Variants in IL1RAPL1 observed in about 807,000 individuals in gnomAD.
IL1RAPL1 encodes interleukin 1 receptor accessory protein like 1, also known as interleukin-1 receptor accessory protein-like 1.
A neutral mutation model predicts 48.4 loss-of-function variants in IL1RAPL1; 3 were observed. The observed-to-expected ratio is 0.06, with a 90% CI of 0.03 to 0.16. IL1RAPL1 has a LOEUF of 0.16. IL1RAPL1 is among the 10% of genes least tolerant of loss of function. The probability of loss-of-function intolerance (pLI) is 1.00; values close to 1 mark genes in which losing one functional copy is unlikely to be tolerated. For synonymous variants in IL1RAPL1, 185 were observed against 187.7 expected, an observed-to-expected ratio of 0.99 and a Z score of 0.12; for missense variants, 349 against 530.6, an observed-to-expected ratio of 0.66 and a Z score of 3.36.
At chrX:29,904,861 G>A in intron 6 of IL1RAPL1, among the ~76,000 whole-genome samples, 1 of 112,104 alleles carries the variant, frequency 8.9e-6, no homozygotes, top group Non-Finnish European at 1.9e-5. Flanking sequence ...ATAGTAGAAT[G>A]ATTTATAATC....
chrX:29,263,296 CTTA>C (rs1931893061), intron 2 of IL1RAPL1, among the ~76,000 whole-genome samples: 1 of 112,052 alleles, frequency 8.9e-6, no homozygotes, highest in African/African-American at 3.2e-5. Flanking sequence ...ATGATCTTAG[CTTA>C]TTATTTTCCT....
chrX:28,820,689 A>G (rs1024840996), intron 2 of IL1RAPL1, among the ~76,000 whole-genome samples: 1 of 111,378 alleles, frequency 9.0e-6, no homozygotes, highest in Non-Finnish European at 1.9e-5. Context: ...GGAAGCTAGC[A>G]TTTGAGTTCA....
At chrX:28,801,004 C>T (rs1314805442) in intron 2 of IL1RAPL1, among the ~76,000 whole-genome samples, 1 of 109,182 alleles carries the variant, frequency 9.2e-6, no homozygotes, top group Non-Finnish European at 1.9e-5. Context: ...ACCTCAGCCT[C>T]CTGAGTAGCT....
intron 2 of IL1RAPL1, among the ~76,000 whole-genome samples, chrX:28,904,413 C>A (rs1402672019): frequency 1.8e-5 from 2 of 112,028 alleles, no homozygotes; most frequent in East Asian, 5.6e-4. Flanking sequence ...ACAGTAGCAT[C>A]AGCCACAGCG....
chrX:29,742,810 T>C (rs1402442605), intron 6 of IL1RAPL1, among the ~76,000 whole-genome samples: 2 of 111,584 alleles, frequency 1.8e-5, no homozygotes, highest in Non-Finnish European at 3.8e-5. Context: ...TTAGGCTGGG[T>C]TACTAATATA....
intron 2 of IL1RAPL1, among the ~76,000 whole-genome samples, chrX:29,260,698 G>A (rs763692616): frequency 1.8e-5 from 2 of 110,980 alleles, no homozygotes; most frequent in Non-Finnish European, 3.8e-5. Flanking sequence ...CTGCAAGAGG[G>A]TATATGTGAT....
rs757172282 is a variant in IL1RAPL1, at chrX:29,797,521, G to A, written c.779-119943G>A. Among the ~76,000 whole-genome samples the A allele has an allele frequency of 1.2e-3, 131 of 112,018 alleles. 1 individual carries two copies. The highest frequency in any genetic ancestry group is 1.5e-3 in the Non-Finnish European group (78 of 53,224). On this transcript the variant is annotated intron_variant, in intron 6 of 10. Coordinates refer to ENST00000378993, the MANE Select transcript of IL1RAPL1 (RefSeq NM_014271.4). ...TGTTAAATCAATGCTGGAGGAAGATGGGTGGCATCACATTCAATGACAAGG... is the reference window on the plus strand; with the variant it reads ...TGTTAAATCAATGCTGGAGGAAGATAGGTGGCATCACATTCAATGACAAGG...
chrX:29,938,435 G>T (rs1933069658), intron 8 of IL1RAPL1, among the ~76,000 whole-genome samples: 3 of 111,411 alleles, frequency 2.7e-5, no homozygotes, highest in South Asian at 7.6e-4. Context: ...TAAAGAATGT[G>T]CTTGGGGGCA....
chrX:29,400,215 C>T (rs1933976446), intron 5 of IL1RAPL1, among the ~76,000 whole-genome samples: 1 of 111,918 alleles, frequency 8.9e-6, no homozygotes, highest in African/African-American at 3.3e-5. Flanking sequence ...TCACTAGTCA[C>T]ATAGGTTGGT....
chrX:29,359,855 A>C (rs954877244), intron 3 of IL1RAPL1, among the ~76,000 whole-genome samples: 2 of 111,293 alleles, frequency 1.8e-5, no homozygotes. Flanking sequence ...CCTGAAGGTG[A>C]TGGTGGCAGA....
chrX:29,448,479 G>C (rs753693715), intron 5 of IL1RAPL1, among the ~76,000 whole-genome samples: 1 of 111,897 alleles, frequency 8.9e-6, no homozygotes, highest in Non-Finnish European at 1.9e-5. Context: ...TGAAGAATTT[G>C]ATTCAAAATA....
At chrX:28,636,696 G>GGGAGGAAGAAGGAATAAGGGAT (rs1407539156) in intron 1 of IL1RAPL1, among the ~76,000 whole-genome samples, 2 of 111,346 alleles carry the variant, frequency 1.8e-5, no homozygotes, top group African/African-American at 6.5e-5. Flanking sequence ...CCATGTTCAA[G>GGGAGGAAGAAGGAATAAGGGAT]GGAGGAAGAA....
At chrX:29,617,742 G>A (rs985587708) in intron 5 of IL1RAPL1, among the ~76,000 whole-genome samples, 2 of 111,887 alleles carry the variant, frequency 1.8e-5, no homozygotes, top group East Asian at 2.8e-4. Flanking sequence ...TTTCTTTAGC[G>A]TTCCTAGAGT....
intron 5 of IL1RAPL1, among the ~76,000 whole-genome samples, chrX:29,421,607 GA>G (rs1170986830): frequency 5.6e-5 from 6 of 107,673 alleles, no homozygotes; most frequent in Admixed American, 2.0e-4. Context: ...GAGAGAGAGA[GA>G]AAAAAAAAAT....
chrX:29,667,631 A>T (rs1926034376), intron 5 of IL1RAPL1, among the ~76,000 whole-genome samples: 1 of 112,022 alleles, frequency 8.9e-6, no homozygotes, highest in African/African-American at 3.2e-5. Context: ...GATATAGTCT[A>T]GTTTAGCTAG....
At chrX:29,073,690 A>G (rs1927613326) in intron 2 of IL1RAPL1, among the ~76,000 whole-genome samples, 1 of 111,959 alleles carries the variant, frequency 8.9e-6, no homozygotes, top group Admixed American at 9.5e-5. Flanking sequence ...TAACTAGAGT[A>G]TTTAGTCTGT....
At chrX:29,756,630 C>T (rs1411001675) in intron 6 of IL1RAPL1, among the ~76,000 whole-genome samples, 1 of 111,116 alleles carries the variant, frequency 9.0e-6, no homozygotes, top group African/African-American at 3.3e-5. Context: ...CCAGGCTGGT[C>T]TCGAACTCCC....
intron 5 of IL1RAPL1, among the ~76,000 whole-genome samples, chrX:29,533,730 T>C (rs1430471952): frequency 8.9e-6 from 1 of 112,362 alleles, no homozygotes; most frequent in African/African-American, 3.2e-5. Flanking sequence ...TGAGGTTTCC[T>C]AATTTTCAAC....
chrX:29,146,653 T>C (rs1216990859), intron 2 of IL1RAPL1, among the ~76,000 whole-genome samples: 1 of 112,180 alleles, frequency 8.9e-6, no homozygotes, highest in Non-Finnish European at 1.9e-5. Flanking sequence ...AGGCAAAATA[T>C]TTTGAGCACC....
Sources: allele counts gnomAD v4.1 joint callset (sites outside exome capture counted in the v4.1 genomes callset), GRCh38; gene constraint gnomAD v4.1.1; transcripts MANE v1.5; gene names NCBI Gene and HGNC (gene_info 2026-07-23, HGNC 2026-07-21).